The following SYNE1 variants were observed in gnomAD, a reference collection of about 807,000 sequenced individuals.
SYNE1 encodes nesprin-1.
A neutral mutation model predicts 1,111.0 loss-of-function variants in SYNE1; 616 were observed. The observed-to-expected ratio is 0.55, with a 90% confidence interval of 0.52 to 0.59. The LOEUF (loss-of-function observed/expected upper bound fraction) is 0.59. SYNE1 is among the 20% of genes least tolerant of loss of function. SYNE1 has a pLI of 0.00. For synonymous variants in SYNE1, 3,855 were observed against 3,825.8 expected (o/e 1.01, Z -0.28); for missense variants, 10,006 against 10,417.0 (o/e 0.96, Z 1.72).
chr6:152,518,213 C>T (rs1395732514), intron 6 of SYNE1, among the ~76,000 whole-genome samples: 1 of 150,074 alleles, frequency 6.7e-6, no homozygotes, highest in Non-Finnish European at 1.5e-5. Context: ...GGGTTAGTGA[C>T]ATACTAGATG....
At chr6:152,278,760 G>A (rs2093815688) in intron 97 of SYNE1, among the ~76,000 whole-genome samples, 1 of 151,544 alleles carries the variant, frequency 6.6e-6, no homozygotes, top group African/African-American at 2.4e-5. Context: ...ACTGCACCTG[G>A]CCCTTTTTTG....
intron 30 of SYNE1, among the ~76,000 whole-genome samples, chr6:152,443,056 C>T (rs1460464466): frequency 6.6e-6 from 1 of 152,086 alleles, no homozygotes; most frequent in Non-Finnish European, 1.5e-5. Context: ...GAAGTATAAT[C>T]TTCAAATAGA....
intron 112 of SYNE1, among the ~76,000 whole-genome samples, chr6:152,232,588 A>G (rs562035086): frequency 9.1e-4 from 139 of 152,322 alleles, no homozygotes; most frequent in Non-Finnish European, 1.4e-3. Flanking sequence ...ACTTAACCAG[A>G]AAACATTCAA....
At chr6:152,164,460 C>G in intron 130 of SYNE1, 135 bp from the exon 131 acceptor site, 2 of 1,023,840 alleles carry the variant, frequency 2.0e-6, no homozygotes. Flanking sequence ...AAGCCAAAGA[C>G]AGAAGACAAA....
In SYNE1 at chr6:152,325,203, T is replaced by C. The variant is rs1347449614; in HGVS notation, c.15538A>G (p.Thr5180Ala). The C allele has an allele frequency of 3.1e-6, 5 of 1,614,048 alleles. No individual in the cohort carries two copies. The highest frequency in any genetic ancestry group is 2.7e-5 in the African/African-American group (2 of 74,898). Residue 5180 changes from threonine (T) to alanine (A), a missense_variant, in exon 81 of 146, where the codon ACC (threonine) becomes GCC (alanine). This residue lies in a region of SYNE1 where 4,955 missense variants were observed against 5,017.2 expected (regional missense o/e 0.99). Transcript: ENST00000367255. Reference protein sequence around the residue: ...EKTGNDASKATLSRSMTTVWQ... With the variant: ...EKTGNDASKAALSRSMTTVWQ... The stretch of plus-strand genomic sequence containing the variant: ...ACGGTGGTCATTGACCTGCTCAGGG[T>C]GGCTTTGCTGGCATCATTTCCGGTT...
intron 93 of SYNE1, among the ~76,000 whole-genome samples, chr6:152,295,973 G>A (rs2094859018): frequency 6.6e-6 from 1 of 152,180 alleles, no homozygotes; most frequent in South Asian, 2.1e-4. Flanking sequence ...CGTCACACGT[G>A]AATGCACTTG....
At chr6:152,508,319 C>A (rs895260245) in intron 8 of SYNE1, among the ~76,000 whole-genome samples, 2 of 152,084 alleles carry the variant, frequency 1.3e-5, no homozygotes, top group African/African-American at 4.8e-5. Flanking sequence ...GGGTGGAGAA[C>A]CCTCAGGCCC....
chr6:152,561,510 C>A (rs1290109363), intron 3 of SYNE1, among the ~76,000 whole-genome samples: 2 of 151,850 alleles, frequency 1.3e-5, no homozygotes, highest in Middle Eastern at 6.3e-3. Flanking sequence ...CTTAAATGAT[C>A]TACAGATTCA....
At chr6:152,396,435 C>G (rs2154142185) in intron 50 of SYNE1, among the ~76,000 whole-genome samples, 1 of 152,140 alleles carries the variant, frequency 6.6e-6, no homozygotes, top group South Asian at 2.1e-4. Flanking sequence ...GACTCTATCC[C>G]AAATGAAGTG....
intron 87 of SYNE1, chr6:152,311,283 T>A (rs2095538252): frequency 4.7e-6 from 1 of 212,984 alleles, no homozygotes; most frequent in Non-Finnish European, 9.6e-6. Flanking sequence ...TCTCATATTC[T>A]ATACGACTGA....
intron 127 of SYNE1, among the ~76,000 whole-genome samples, chr6:152,198,938 T>A (rs553893877): frequency 1.3e-5 from 2 of 150,204 alleles, no homozygotes; most frequent in Non-Finnish European, 3.0e-5. Context: ...GGAAAAATGG[T>A]GCTGGTAGAC....
chr6:152,308,634 T>G lies in SYNE1; in HGVS notation c.17203-2A>C. The G allele has an allele frequency of 6.4e-7, 1 of 1,553,284 alleles. No homozygotes were observed. ...TTGTTCATATTGTACCACAGCTTCC[T>G]TTGAAAAAAAAAAAAAACAGAAAGA... On this transcript the variant is annotated splice_acceptor_variant, in intron 90 of 145. Transcript: ENST00000367255. LOFTEE classifies it high-confidence loss of function.
At chr6:152,152,590 T>G (rs974858675) in intron 133 of SYNE1, among the ~76,000 whole-genome samples, 2 of 152,238 alleles carry the variant, frequency 1.3e-5, no homozygotes, top group African/African-American at 4.8e-5. Flanking sequence ...ATAATGGAAC[T>G]GTTTATTTGT....
At chr6:152,183,661 T>G (rs935804152) in intron 128 of SYNE1, among the ~76,000 whole-genome samples, 4 of 152,180 alleles carry the variant, frequency 2.6e-5, no homozygotes, top group Admixed American at 6.5e-5. Context: ...CTCCTTACAC[T>G]GCCCCCGAAT....
intron 127 of SYNE1, among the ~76,000 whole-genome samples, chr6:152,194,004 C>T (rs2073377633): frequency 9.1e-6 from 1 of 109,992 alleles, no homozygotes; most frequent in African/African-American, 3.5e-5. Context: ...CAGAGCAAGA[C>T]TGTCTCGAAA....
At chr6:152,313,065 T>C (rs1410432473) in intron 87 of SYNE1, among the ~76,000 whole-genome samples, 1 of 152,170 alleles carries the variant, frequency 6.6e-6, no homozygotes, top group African/African-American at 2.4e-5. Flanking sequence ...AATGTCTGCT[T>C]ATATATAAGA....
At position 152,151,646 on chromosome 6, in the gene SYNE1, G is replaced by A; in HGVS notation, c.24357C>T (p.Ser8119=). ...QREEFETARD[S]ILVWLTEMDL... is the part of the protein sequence containing the mutation. Reference sequence around the variant, plus strand: ...CCATCTCTGTGAGCCAGACCAGAATGCTGTCCCGCGCAGTCTCAAACTCCT... The same window carrying A: ...CCATCTCTGTGAGCCAGACCAGAATACTGTCCCGCGCAGTCTCAAACTCCT... Residue 8119 remains serine, a synonymous_variant, in exon 135 of 146, where the codon AGC becomes AGT. Coordinates refer to ENST00000367255, the MANE Select transcript of SYNE1 (RefSeq NM_182961.4). 4 of 1,614,138 alleles carry A rather than the reference G, an allele frequency of 2.5e-6. No homozygotes were observed. Among genetic ancestry groups the A allele is most frequent in the Non-Finnish European group, 2.5e-6 (3 of 1,180,022 alleles).
intron 14 of SYNE1, among the ~76,000 whole-genome samples, chr6:152,475,174 A>G (rs968149092): frequency 6.6e-6 from 1 of 152,200 alleles, no homozygotes; most frequent in Admixed American, 6.5e-5. Context: ...TACTAAGAGA[A>G]ATCTGATATA....
At chr6:152,465,210 T>A in intron 18 of SYNE1, 48 bp downstream of exon 18, 1 of 1,593,738 alleles carries the variant, frequency 6.3e-7, no homozygotes, top group Non-Finnish European at 8.6e-7. Flanking sequence ...AAGTCTCTCA[T>A]TTTTACATAC....
Sources: allele counts gnomAD v4.1 joint callset (sites outside exome capture counted in the v4.1 genomes callset), GRCh38; gene constraint gnomAD v4.1.1; regional missense constraint gnomAD v4.1.1; transcripts MANE v1.5; gene names NCBI Gene and HGNC (gene_info 2026-07-23, HGNC 2026-07-21).